Variants in AGBL4 observed in about 807,000 individuals in gnomAD.
AGBL4 encodes the protein AGBL carboxypeptidase 4.
A neutral mutation model predicts 66.4 loss-of-function variants in AGBL4; 58 were observed. The ratio of observed to expected loss-of-function variants is 0.87; its 90% confidence interval spans 0.71 to 1.09. AGBL4 has a LOEUF of 1.09. AGBL4 is among the 50% of genes least tolerant of loss of function. The probability of loss-of-function intolerance (pLI) is 0.00; values close to 1 mark genes in which losing one functional copy is unlikely to be tolerated. For missense variants in AGBL4, 579 were observed against 631.0 expected (o/e 0.92, Z 0.88); for synonymous variants, 234 against 222.9 (o/e 1.05, Z -0.44).
At chr1:49,330,307 C>T (rs1645307132) in intron 3 of AGBL4, among the ~76,000 whole-genome samples, 1 of 152,162 alleles carries the variant, frequency 6.6e-6, no homozygotes, top group African/African-American at 2.4e-5. Flanking sequence ...ATTCCAGCTA[C>T]TTGGGAGGCT....
intron 3 of AGBL4, among the ~76,000 whole-genome samples, chr1:49,615,046 A>G (rs1645225445): frequency 6.6e-6 from 1 of 152,170 alleles, no homozygotes. Context: ...GTACCTTGAG[A>G]GAAGCCACCC....
At chr1:49,883,725 A>C (rs1571798864) in intron 1 of AGBL4, among the ~76,000 whole-genome samples, 1 of 152,068 alleles carries the variant, frequency 6.6e-6, no homozygotes, top group Non-Finnish European at 1.5e-5. Context: ...GAACAAACAG[A>C]TATTTACATT....
chr1:48,555,535 G>A (rs1405095665), intron 11 of AGBL4, among the ~76,000 whole-genome samples: 1 of 152,190 alleles, frequency 6.6e-6, no homozygotes, highest in Non-Finnish European at 1.5e-5. Flanking sequence ...GATAAAGAAG[G>A]AAGCAAGAGA....
At chr1:48,562,435 C>G (rs180841562) in intron 11 of AGBL4, among the ~76,000 whole-genome samples, 2 of 152,194 alleles carry the variant, frequency 1.3e-5, no homozygotes, top group Non-Finnish European at 1.5e-5. Context: ...CTTAACCTCC[C>G]TTTTAGACCC....
At chr1:49,654,685 C>A (rs1646083303) in intron 3 of AGBL4, among the ~76,000 whole-genome samples, 1 of 152,164 alleles carries the variant, frequency 6.6e-6, no homozygotes, top group African/African-American at 2.4e-5. Flanking sequence ...TAATGGCCTT[C>A]TTTGTCTCTC....
chr1:49,294,763 G>A (rs1557814801), intron 3 of AGBL4, among the ~76,000 whole-genome samples: 1 of 152,122 alleles, frequency 6.6e-6, no homozygotes, highest in Non-Finnish European at 1.5e-5. Flanking sequence ...CATGTTCTGA[G>A]ACTCAGCTGA....
intron 3 of AGBL4, among the ~76,000 whole-genome samples, chr1:49,667,379 G>A (rs764933207): frequency 2.0e-5 from 3 of 152,058 alleles, no homozygotes; most frequent in Non-Finnish European, 4.4e-5. Context: ...GATCACCTGA[G>A]CCGGGGAGGT....
chr1:48,638,587 AGAG>A (rs1645705329), intron 8 of AGBL4, among the ~76,000 whole-genome samples: 1 of 152,232 alleles, frequency 6.6e-6, no homozygotes, highest in Admixed American at 6.5e-5. Context: ...TCCAGGAAGT[AGAG>A]GAGGATTTTC....
At chr1:49,846,379 C>T (rs2148051980) in intron 2 of AGBL4, 4 of 1,542,212 alleles carry the variant, frequency 2.6e-6, no homozygotes, top group Non-Finnish European at 3.6e-6. Flanking sequence ...TTACCAAGCA[C>T]CAGAGAACTC....
At chr1:48,964,200 T>C (rs80051400) in intron 5 of AGBL4, among the ~76,000 whole-genome samples, 5 of 152,146 alleles carry the variant, frequency 3.3e-5, no homozygotes, top group African/African-American at 1.2e-4. Flanking sequence ...TAGGACAAAA[T>C]GTTAAGTTCC....
chr1:49,526,845 T>C (rs1031602687), intron 3 of AGBL4, among the ~76,000 whole-genome samples: 1 of 152,134 alleles, frequency 6.6e-6, no homozygotes, highest in African/African-American at 2.4e-5. Context: ...TGACCAGTAA[T>C]AGCATTTTCT....
chr1:49,172,937 C>T (rs1415907009), intron 4 of AGBL4, among the ~76,000 whole-genome samples: 1 of 151,920 alleles, frequency 6.6e-6, no homozygotes, highest in Non-Finnish European at 1.5e-5. Context: ...ACCAGCCTGA[C>T]CAAAAATCCA....
intron 6 of AGBL4, among the ~76,000 whole-genome samples, chr1:48,788,716 G>A (rs1039826446): frequency 2.6e-5 from 4 of 152,162 alleles, no homozygotes; most frequent in African/African-American, 9.7e-5. Context: ...GACACTAACT[G>A]TGAAAATGTA....
intron 3 of AGBL4, among the ~76,000 whole-genome samples, chr1:49,632,212 G>A (rs1025692790): frequency 6.6e-6 from 1 of 152,164 alleles, no homozygotes; most frequent in South Asian, 2.1e-4. Flanking sequence ...ATATTCCAGA[G>A]GGAGTCTGGG....
chr1:48,656,022 C>T (rs923756456), intron 7 of AGBL4, among the ~76,000 whole-genome samples: 2 of 152,226 alleles, frequency 1.3e-5, no homozygotes, highest in Non-Finnish European at 2.9e-5. Context: ...CACCATCAAC[C>T]TCCTTGAGAT....
intron 2 of AGBL4, among the ~76,000 whole-genome samples, chr1:49,835,621 T>C (rs920976035): frequency 6.6e-6 from 1 of 152,248 alleles, no homozygotes; most frequent in African/African-American, 2.4e-5. Flanking sequence ...ATTATGATGC[T>C]ACCTGGTTAT....
At chr1:48,684,896 G>A (rs557658700) in intron 6 of AGBL4, among the ~76,000 whole-genome samples, 1 of 152,280 alleles carries the variant, frequency 6.6e-6, no homozygotes, top group Admixed American at 6.5e-5. Context: ...CCTTGCTGTG[G>A]TGGAAAGAAA....
intron 4 of AGBL4, among the ~76,000 whole-genome samples, chr1:49,127,759 C>T (rs983542155): frequency 6.6e-6 from 1 of 152,026 alleles, no homozygotes; most frequent in Non-Finnish European, 1.5e-5. Flanking sequence ...AGTAACAGGG[C>T]CAAACTATCC....
At chr1:49,568,165 A>T (rs572446188) in intron 3 of AGBL4, among the ~76,000 whole-genome samples, 1 of 152,246 alleles carries the variant, frequency 6.6e-6, no homozygotes, top group South Asian at 2.1e-4. Flanking sequence ...GAAAAAAAAT[A>T]AAGGGCATCC....
Sources: gnomAD v4.1 joint callset for allele counts (sites outside exome capture counted in the v4.1 genomes callset) on GRCh38, gnomAD v4.1.1 for gene constraint, MANE v1.5 for transcripts, NCBI Gene and HGNC (gene_info 2026-07-23, HGNC 2026-07-21) for gene names.